PCDHGA8: variants seen among roughly 807,000 people sequenced by gnomAD.
PCDHGA8 encodes the protein protocadherin gamma subfamily A, 8.
In PCDHGA8, 45 loss-of-function variants were observed where a neutral mutation model predicts 59.2. The ratio of observed to expected loss-of-function variants is 0.76; its 90% confidence interval spans 0.60 to 0.98. The LOEUF (loss-of-function observed/expected upper bound fraction) is 0.98. PCDHGA8 is among the 50% of genes least tolerant of loss of function. The pLI is 0.00. For missense variants in PCDHGA8, 1,257 were observed against 1,196.2 expected (o/e 1.05, Z -0.75); for synonymous variants, 531 against 519.0 (o/e 1.02, Z -0.32).
chr5:141,472,335 A>T (rs1033984936), intron 1 of PCDHGA8, among the ~76,000 whole-genome samples: 38 of 151,784 alleles, frequency 2.5e-4, no homozygotes, highest in Non-Finnish European at 2.5e-4. Context: ...AGGTTGGGAG[A>T]TCGAGACCAT....
At chr5:141,400,514 A>T in intron 1 of PCDHGA8, 1 of 1,613,950 alleles carries the variant, frequency 6.2e-7, no homozygotes, top group South Asian at 1.1e-5. Context: ...TCGACTTCCC[A>T]TCCTGAGTTG....
rs752155536 is a variant in PCDHGA8, at chr5:141,477,181, C to T, written c.2425-17626C>T. The T allele has an allele frequency of 2.5e-6, 4 of 1,614,182 alleles. No individual in the cohort carries two copies. In the Admixed American group the frequency reaches 6.7e-5, roughly 27 times the overall value. ...ACAACGCCCCGGAGATCACAGTCACCTCCGTGTACAGCCCAGTACCCGAGG... is the reference window on the plus strand; with the variant it reads ...ACAACGCCCCGGAGATCACAGTCACTTCCGTGTACAGCCCAGTACCCGAGG... On this transcript the variant is annotated intron_variant, in intron 1 of 3. Transcript: ENST00000398604. This position sits in a 1 kb window ranked among gnomAD's most constrained non-coding sequence, Gnocchi z 4.9.
intron 1 of PCDHGA8, chr5:141,404,186 C>A (rs767632448): frequency 1.2e-6 from 2 of 1,612,966 alleles, no homozygotes; most frequent in Middle Eastern, 1.6e-4. Flanking sequence ...AATTCTTGAC[C>A]GAGAAAAAGC....
chr5:141,413,198 C>G, intron 1 of PCDHGA8: 1 of 1,611,416 alleles, frequency 6.2e-7, no homozygotes, highest in Non-Finnish European at 8.5e-7. Context: ...AGGAATCGCT[C>G]AAAGGAATCA....
intron 1 of PCDHGA8, among the ~76,000 whole-genome samples, chr5:141,445,077 T>C (rs778919022): frequency 5.9e-5 from 9 of 152,242 alleles, no homozygotes; most frequent in Non-Finnish European, 1.2e-4. Flanking sequence ...CTCATTAAAT[T>C]GTCCCTACAT....
At position 141,405,128 on chromosome 5, in the gene PCDHGA8, C is replaced by T. The variant is rs373084923; in HGVS notation, c.2424+9891C>T. On this transcript the variant is annotated intron_variant, in intron 1 of 3. Transcript: ENST00000398604. ...GCACTGGCACTCCTCGCATCTGCTG[C>T]GGGCTACCAGTGATGGGTTGGCTGG... is the stretch of plus-strand genomic sequence containing the variant. The T allele has an allele frequency of 4.8e-5, 78 of 1,614,002 alleles. No individual in the cohort carries two copies. The highest frequency in any genetic ancestry group is 2.8e-4 in the African/African-American group (21 of 75,052).
chr5:141,413,865 C>A, intron 1 of PCDHGA8: 2 of 1,613,388 alleles, frequency 1.2e-6, no homozygotes, highest in Non-Finnish European at 1.7e-6. Context: ...CTGGCACTGT[C>A]CTTGTCAGTG....
At chr5:141,455,449 G>A (rs1421095381) in intron 1 of PCDHGA8, among the ~76,000 whole-genome samples, 1 of 152,126 alleles carries the variant, frequency 6.6e-6, no homozygotes, top group Non-Finnish European at 1.5e-5. Flanking sequence ...CATCTACCGC[G>A]GATACCAGCC....
rs530001704 is a variant in PCDHGA8, at chr5:141,434,708, ATC to A, written c.2424+39475_2424+39476del. 3.9e-3 allele frequency among the ~76,000 whole-genome samples: 589 copies of A among 152,052 alleles called. 6 individuals are homozygous for A. The highest frequency in any genetic ancestry group is 0.011 in the Admixed American group (170 of 15,250). ...TTGCTGTTAATAAATATGTGGGTAA[ATC>A]TCTGTTCAGGGCTCTCAGCTCTGAA... On this transcript the variant is annotated intron_variant, in intron 1 of 3. Coordinates refer to ENST00000398604, the MANE Select transcript of PCDHGA8 (RefSeq NM_032088.2).
intron 1 of PCDHGA8, chr5:141,441,650 G>C (rs932742795): frequency 8.4e-6 from 2 of 238,510 alleles, no homozygotes; most frequent in African/African-American, 2.4e-5. Context: ...TGTGATTCTA[G>C]GTGTCCTTGA....
chr5:141,431,976 C>T lies in PCDHGA8; in HGVS notation c.2424+36739C>T, dbSNP rs2097433306. ...TACGGAAATTACTATAGTTTAGTCACAGACATAGTCTTGGATAGGGAACAG... is the reference window on the plus strand; with the variant it reads ...TACGGAAATTACTATAGTTTAGTCATAGACATAGTCTTGGATAGGGAACAG... On this transcript the variant is annotated intron_variant, in intron 1 of 3. Transcript: ENST00000398604. This position sits in a 1 kb window ranked among gnomAD's most constrained non-coding sequence, Gnocchi z 4.8. 6.2e-7 allele frequency: 1 copy of T among 1,614,078 alleles called. No individual in the cohort carries two copies. The highest frequency in any genetic ancestry group is 1.3e-5 in the African/African-American group (1 of 74,934).
chr5:141,472,079 G>T (rs2099271048), intron 1 of PCDHGA8, among the ~76,000 whole-genome samples: 1 of 152,124 alleles, frequency 6.6e-6, no homozygotes, highest in African/African-American at 2.4e-5. Flanking sequence ...TTATATCAAT[G>T]AGTACTATTA....
chr5:141,394,128 GC>G lies in PCDHGA8; in HGVS notation c.1316del (p.Ala439ValfsTer24). On this transcript the variant is annotated frameshift_variant, in exon 1 of 4. Transcript: ENST00000398604. LOFTEE classifies it high-confidence loss of function. ...ACCTCTGTCCACTGAAACTCAAATC[GC>G]TCTGCACGTGGCAGACATTAACGAC... ...TPPLSTETQIALHVADINDNP... is the reference protein window; with the variant it reads ...TPPLSTETQIXLHVADINDNP... 4 of 1,613,730 alleles carry G rather than the reference GC, an allele frequency of 2.5e-6. No homozygotes were observed. Among genetic ancestry groups the G allele is most frequent in the Non-Finnish European group, 3.4e-6 (4 of 1,179,826 alleles).
chr5:141,414,469 G>T (rs944183814), intron 1 of PCDHGA8: 1 of 1,613,742 alleles, frequency 6.2e-7, no homozygotes, highest in African/African-American at 1.3e-5. Context: ...CACAGATGGG[G>T]GAAGTCCTCC....
intron 1 of PCDHGA8, chr5:141,424,504 GT>G (rs892941709): frequency 6.6e-6 from 1 of 152,016 alleles, no homozygotes; most frequent in Non-Finnish European, 1.5e-5. Context: ...TGTATGGAAG[GT>G]TTTTTAATGT....
intron 1 of PCDHGA8, chr5:141,395,535 C>A: frequency 3.6e-5 from 12 of 331,892 alleles, no homozygotes; most frequent in Admixed American, 5.0e-5. Context: ...GGTAATTTTG[C>A]TATTGTTTGT....
At chr5:141,472,980 CAAA>C (rs60579131) in intron 1 of PCDHGA8, among the ~76,000 whole-genome samples, 10 of 86,092 alleles carry the variant, frequency 1.2e-4, no homozygotes, top group Non-Finnish European at 1.2e-4. Context: ...GAGTGAAACT[CAAA>C]AAAAAAAAAA....
intron 1 of PCDHGA8, chr5:141,398,750 A>G (rs144881560): frequency 1.1e-5 from 17 of 1,613,502 alleles, no homozygotes; most frequent in Middle Eastern, 1.6e-4. Flanking sequence ...CAGAGTTACC[A>G]TCGTTTAGTC....
intron 1 of PCDHGA8, among the ~76,000 whole-genome samples, chr5:141,455,137 G>A (rs892739175): frequency 2.7e-5 from 4 of 150,642 alleles, no homozygotes; most frequent in African/African-American, 9.8e-5. Flanking sequence ...ATTACACTGT[G>A]TTAAATAAAT....
Sources: gnomAD v4.1 joint callset for allele counts (sites outside exome capture counted in the v4.1 genomes callset) on GRCh38, gnomAD v4.1.1 for gene constraint, Gnocchi (gnomAD v3.1) non-coding constraint, MANE v1.5 for transcripts, NCBI Gene and HGNC (gene_info 2026-07-23, HGNC 2026-07-21) for gene names.